The following PCDHGC4 variants were observed in gnomAD, a reference collection of about 807,000 sequenced individuals.
The protein encoded by PCDHGC4 is protocadherin gamma subfamily C, 4, also known as protocadherin gamma-C4.
PCDHGC4 carries 15 observed loss-of-function variants against 59.7 expected under a neutral mutation model. That is an observed-to-expected ratio of 0.25 (90% CI 0.17 to 0.39). PCDHGC4 has a LOEUF of 0.39. Ranked by LOEUF, PCDHGC4 falls within the 10% of genes least tolerant of loss-of-function variation. The pLI, the probability that PCDHGC4 is intolerant of heterozygous loss-of-function variation, is 1.00. For missense variants in PCDHGC4, 1,016 were observed against 1,189.5 expected, an observed-to-expected ratio of 0.85 and a Z score of 2.15; for synonymous variants, 434 against 481.4, an observed-to-expected ratio of 0.90 and a Z score of 1.29.
intron 1 of PCDHGC4, among the ~76,000 whole-genome samples, chr5:141,492,530 C>A (rs1595123138): frequency 1.3e-5 from 2 of 152,246 alleles, no homozygotes; most frequent in South Asian, 2.1e-4. Flanking sequence ...CCCACCTGCG[C>A]CCCGGGCTGG....
rs183968443 is a variant in PCDHGC4 at position 141,495,033 on chromosome 5, G to A, written c.2501+168G>A. On this transcript the variant is annotated intron_variant, in intron 2 of 3. Coordinates refer to ENST00000306593, the MANE Select transcript of PCDHGC4 (RefSeq NM_018928.3). ...GGGGCTGGCACACAGACCCCGGAAG[G>A]AAGAGGCGACTGCCCTGACTGTTCA... is the stretch of plus-strand genomic sequence containing the variant. 1.4e-3 allele frequency: 1,380 copies of A among 968,234 alleles called. 4 individuals are homozygous for A. Among genetic ancestry groups the A allele is most frequent in the Middle Eastern group, 5.3e-3 (10 of 1,888 alleles). 60.0% of individuals were successfully genotyped at this position (968,234 alleles called of 1,614,324 possible).
Position 141,489,690 on chromosome 5 carries a change from A to T in PCDHGC4, c.2442+2075A>T. The T allele has an allele frequency of 6.2e-7, 1 of 1,614,198 alleles. No individual in the cohort carries two copies. The highest frequency in any genetic ancestry group is 8.5e-7 in the Non-Finnish European group (1 of 1,180,024). ...TCTCAGAATCAGCAGCATCTGGGGC[A>T]CGATTCCCACTGGACAGTGCCCAGG... On this transcript the variant is annotated intron_variant, in intron 1 of 3. Coordinates refer to ENST00000306593, the MANE Select transcript of PCDHGC4 (RefSeq NM_018928.3). The surrounding 1 kb of genome is among the most constrained non-coding windows in gnomAD (Gnocchi z 4.5).
Position 141,485,790 on chromosome 5 carries a change from C to T in PCDHGC4, c.617C>T (p.Ser206Leu). Residue 206 changes from serine to leucine, a missense_variant, in exon 1 of 4, where the codon TCG becomes TTG. Ser to Leu is a moderately radical substitution (Grantham distance 145). Transcript: ENST00000306593. This position sits in a 1 kb window ranked among gnomAD's most constrained non-coding sequence, Gnocchi z 5.7. The stretch of plus-strand genomic sequence containing the variant: ...AAGCCTTTGGATCGAGAGAAGCAAT[C>T]GGACTACCGCCTGGTGCTGACTGCT... ...LEKPLDREKQ[S>L]DYRLVLTAVD... is the part of the protein sequence containing the mutation. 6.2e-7 allele frequency: 1 copy of T among 1,614,204 alleles called. No homozygotes were observed. Among genetic ancestry groups the T allele is most frequent in the Non-Finnish European group, 8.5e-7 (1 of 1,180,032 alleles).
rs2099699514 is a variant in PCDHGC4 at position 141,490,385 on chromosome 5, A to G, written c.2442+2770A>G. 1 of 1,614,190 alleles carries G rather than the reference A, an allele frequency of 6.2e-7. No individual in the cohort carries two copies. Among genetic ancestry groups the G allele is most frequent in the African/African-American group, 1.3e-5 (1 of 75,032 alleles). ...GTGCGAGACCGGGACTCAGGTAGAA[A>G]TGGTGAAGTGAGCCTTGATATCTCT... On this transcript the variant is annotated intron_variant, in intron 1 of 3. Coordinates refer to ENST00000306593, the MANE Select transcript of PCDHGC4 (RefSeq NM_018928.3). This position sits in a 1 kb window ranked among gnomAD's most constrained non-coding sequence, Gnocchi z 5.4.
In PCDHGC4 at chr5:141,489,705, C is replaced by G; in HGVS notation, c.2442+2090C>G. The G allele has an allele frequency of 6.2e-7, 1 of 1,614,022 alleles. No homozygotes were observed. The highest frequency in any genetic ancestry group is 1.1e-5 in the South Asian group (1 of 91,074). ...CATCTGGGGCACGATTCCCACTGGA[C>G]AGTGCCCAGGATCCGGATGTGGGCA... On this transcript the variant is annotated intron_variant, in intron 1 of 3. Coordinates refer to ENST00000306593, the MANE Select transcript of PCDHGC4 (RefSeq NM_018928.3). The surrounding 1 kb of genome is among the most constrained non-coding windows in gnomAD (Gnocchi z 4.5).
chr5:141,491,152 G>A lies in PCDHGC4; in HGVS notation c.2442+3537G>A. 1 of 1,614,168 alleles carries A rather than the reference G, an allele frequency of 6.2e-7. No homozygotes were observed. The highest frequency in any genetic ancestry group is 8.5e-7 in the Non-Finnish European group (1 of 1,179,990). On this transcript the variant is annotated intron_variant, in intron 1 of 3. Transcript: ENST00000306593. The surrounding 1 kb of genome is among the most constrained non-coding windows in gnomAD (Gnocchi z 6.9). ...CACAGCCCGGGCCTTACTGGAGGAT[G>A]ACTCTGACACCCAGCAGGTGGTGGT...
rs2099668037 is a variant in PCDHGC4 at position 141,487,853 on chromosome 5, T to C, written c.2442+238T>C. The C allele has an allele frequency of 1.0e-6, 1 of 984,708 alleles. No individual in the cohort carries two copies. The allele number at this position is 984,708 out of a possible 1,614,324, so 61.0% of individuals were successfully genotyped here. The stretch of plus-strand genomic sequence containing the variant: ...CCTATATCTGAGTAAGAAATGAAAG[T>C]AATTGGTGATCAAGAGCCAGGCTGT... On this transcript the variant is annotated intron_variant, in intron 1 of 3. Transcript: ENST00000306593. The surrounding 1 kb of genome is among the most constrained non-coding windows in gnomAD (Gnocchi z 5.0).
intron 2 of PCDHGC4, among the ~76,000 whole-genome samples, chr5:141,501,290 TACACAC>T (rs55762287): frequency 0.081 from 10,957 of 136,038 alleles, 480 homozygotes; most frequent in African/African-American, 0.13. Context: ...TATTCCCTTA[TACACAC>T]ACACACACAC....
rs961891623 is a variant in PCDHGC4 at position 141,487,938 on chromosome 5, GC to G, written c.2442+324del. The G allele has an allele frequency of 2.8e-5, 17 of 600,188 alleles. No homozygotes were observed. The highest frequency in any genetic ancestry group is 4.7e-5 in the Non-Finnish European group (16 of 342,978). 37.2% of individuals were successfully genotyped at this position (600,188 alleles called of 1,614,324 possible). ...GAGGCTACAGTGCACAGGGTACAGTGCACCAGGCAGTCACTTGGACAAAGGT... is the reference window on the plus strand; with the variant it reads ...GAGGCTACAGTGCACAGGGTACAGTGACCAGGCAGTCACTTGGACAAAGGT... On this transcript the variant is annotated intron_variant, in intron 1 of 3. Coordinates refer to ENST00000306593, the MANE Select transcript of PCDHGC4 (RefSeq NM_018928.3). The surrounding 1 kb of genome is among the most constrained non-coding windows in gnomAD (Gnocchi z 5.0).
rs758578821 is a variant in PCDHGC4 at position 141,486,659 on chromosome 5, G to C, written c.1486G>C (p.Glu496Gln). The C allele has an allele frequency of 6.8e-6, 11 of 1,613,944 alleles. No individual in the cohort carries two copies. The highest frequency in any genetic ancestry group is 8.5e-6 in the Non-Finnish European group (10 of 1,180,026). Residue 496 changes from glutamate (E) to glutamine (Q), a missense_variant, in exon 1 of 4, where the codon GAG (glutamate) becomes CAG (glutamine). Glu to Gln is a conservative substitution (Grantham distance 29, BLOSUM62 2). Coordinates refer to ENST00000306593, the MANE Select transcript of PCDHGC4 (RefSeq NM_018928.3). The surrounding 1 kb of genome is among the most constrained non-coding windows in gnomAD (Gnocchi z 5.0). ...TGCGCTTATCTCCTACTCACTCCTGGAGCCCAGGAATCGAGATGTATCAGC... is the reference window on the plus strand; with the variant it reads ...TGCGCTTATCTCCTACTCACTCCTGCAGCCCAGGAATCGAGATGTATCAGC... ...LNALISYSLL[E>Q]PRNRDVSASS...
At chr5:141,507,349 A>G (rs537480798) in intron 3 of PCDHGC4, 1 of 152,236 alleles carries the variant, frequency 6.6e-6, no homozygotes, top group African/African-American at 2.4e-5. Flanking sequence ...CTGAAATTCA[A>G]ATTTAACTGG....
Position 141,511,983 on chromosome 5 carries a change from G to C in PCDHGC4, c.*810G>C, listed in dbSNP as rs904146751. On this transcript the variant is annotated 3_prime_UTR_variant, in exon 4 of 4. Coordinates refer to ENST00000306593, the MANE Select transcript of PCDHGC4 (RefSeq NM_018928.3). ...AGGGAAGTGTGTGGATGTGGATGGT[G>C]GGGGCATGGACAAAGCTTGACACAT... 6.5e-6 allele frequency: 1 copy of C among 153,280 alleles called. No individual in the cohort carries two copies. The allele number at this position is 153,280 out of a possible 1,614,324, so 9.5% of individuals were successfully genotyped here.
At chr5:141,488,207 TC>T (rs2099672969) in intron 1 of PCDHGC4, among the ~76,000 whole-genome samples, 1 of 152,216 alleles carries the variant, frequency 6.6e-6, no homozygotes, top group Non-Finnish European at 1.5e-5. Context: ...AGGACTCATA[TC>T]AAGTCCCTAC....
chr5:141,508,183 A>G (rs1596134418), intron 3 of PCDHGC4: 1 of 152,336 alleles, frequency 6.6e-6, no homozygotes, highest in African/African-American at 2.4e-5. Context: ...GAGAGAAGGC[A>G]TCACCCCCAC....
Position 141,491,900 on chromosome 5 carries a change from G to T in PCDHGC4, c.2443-2907G>T. The T allele has an allele frequency of 7.0e-7, 1 of 1,429,936 alleles. No homozygotes were observed. The highest frequency in any genetic ancestry group is 1.5e-5 in the South Asian group (1 of 67,072). 88.6% of individuals were successfully genotyped at this position (1,429,936 alleles called of 1,614,324 possible). A position where few individuals can be genotyped will look rare whatever the true frequency, so the allele number is the denominator to read the frequency against. ...TAAGGGATGGGGCTCCGAGCACCGG[G>T]GGTGGTGGCGACTGTGGGCGAGGGG... On this transcript the variant is annotated intron_variant, in intron 1 of 3. Transcript: ENST00000306593. This position sits in a 1 kb window ranked among gnomAD's most constrained non-coding sequence, Gnocchi z 6.9.
chr5:141,508,740 C>G (rs2099871405), intron 3 of PCDHGC4, among the ~76,000 whole-genome samples: 1 of 152,006 alleles, frequency 6.6e-6, no homozygotes. Flanking sequence ...CACCCCCCAC[C>G]CCGCTCTTTC....
intron 2 of PCDHGC4, among the ~76,000 whole-genome samples, chr5:141,497,290 C>A (rs182104163): frequency 4.7e-4 from 72 of 152,184 alleles, no homozygotes; most frequent in Middle Eastern, 3.4e-3. Flanking sequence ...CTCTACCTAC[C>A]ACCACCCCAG....
chr5:141,490,004 C>A lies in PCDHGC4; in HGVS notation c.2442+2389C>A. The A allele has an allele frequency of 6.2e-7, 1 of 1,614,174 alleles. No homozygotes were observed. The highest frequency in any genetic ancestry group is 1.7e-5 in the Admixed American group (1 of 60,034). On this transcript the variant is annotated intron_variant, in intron 1 of 3. Transcript: ENST00000306593. The surrounding 1 kb of genome is among the most constrained non-coding windows in gnomAD (Gnocchi z 5.4). ...CTACGTGTGGGAATCCCAGAGAATGCACCCATTGGTACTCTGCTGCTCCGC... is the reference window on the plus strand; with the variant it reads ...CTACGTGTGGGAATCCCAGAGAATGAACCCATTGGTACTCTGCTGCTCCGC...
rs1000330093 is a variant in PCDHGC4 at position 141,511,812 on chromosome 5, C to T, written c.*639C>T. 2.5e-5 allele frequency: 4 copies of T among 157,260 alleles called. No individual in the cohort carries two copies. Among genetic ancestry groups the T allele is most frequent in the African/African-American group, 9.6e-5 (4 of 41,492 alleles). The allele number at this position is 157,260 out of a possible 1,614,324, so 9.7% of individuals were successfully genotyped here. The stretch of plus-strand genomic sequence containing the variant: ...TAGGGAGGGCATTTTGCTACCAAGC[C>T]TCTTCCCAACGCCCTGGGGACCAGT... On this transcript the variant is annotated 3_prime_UTR_variant, in exon 4 of 4. Transcript: ENST00000306593.
Sources: allele counts gnomAD v4.1 joint callset (sites outside exome capture counted in the v4.1 genomes callset), GRCh38; gene constraint gnomAD v4.1.1; non-coding constraint Gnocchi (gnomAD v3.1); transcripts MANE v1.5; gene names NCBI Gene and HGNC (gene_info 2026-07-23, HGNC 2026-07-21).